Variants in SUGCT observed in about 807,000 individuals in gnomAD.
The protein encoded by SUGCT is succinyl-CoA:glutarate CoA-transferase.
A neutral mutation model predicts 55.0 loss-of-function variants in SUGCT; 41 were observed. The observed-to-expected ratio is 0.74, with a 90% CI of 0.58 to 0.97. The LOEUF is 0.97. SUGCT is among the 50% of genes least tolerant of loss of function. The pLI, the probability that SUGCT is intolerant of heterozygous loss-of-function variation, is 0.00. For missense variants in SUGCT, 568 were observed against 547.8 expected (o/e 1.04, Z -0.37); for synonymous variants, 187 against 200.4 (o/e 0.93, Z 0.56).
At chr7:40,194,738 C>A (rs199865653) in intron 5 of SUGCT, among the ~76,000 whole-genome samples, 1 of 152,164 alleles carries the variant, frequency 6.6e-6, no homozygotes, top group African/African-American at 2.4e-5. Context: ...CATGTACTTA[C>A]AAAAACTTTA....
At chr7:40,594,346 A>G (rs912995758) in intron 12 of SUGCT, among the ~76,000 whole-genome samples, 1 of 152,014 alleles carries the variant, frequency 6.6e-6, no homozygotes, top group African/African-American at 2.4e-5. Flanking sequence ...GTAAAAAAAA[A>G]AAAATATGAT....
the SUGCT span, among the ~76,000 whole-genome samples, chr7:40,915,662 A>T: frequency 6.8e-6 from 1 of 146,210 alleles, no homozygotes; most frequent in Non-Finnish European, 1.5e-5. Context: ...GAAGAGCAGG[A>T]AGAACTTGAC....
At chr7:40,889,372 G>T in the SUGCT span, among the ~76,000 whole-genome samples, 2 of 152,198 alleles carry the variant, frequency 1.3e-5, no homozygotes, top group Non-Finnish European at 2.9e-5. Flanking sequence ...CCACCTTGCT[G>T]GGAGGAGAGA....
At chr7:40,778,908 C>A (rs1360475271) in intron 13 of SUGCT, among the ~76,000 whole-genome samples, 1 of 152,148 alleles carries the variant, frequency 6.6e-6, no homozygotes, top group African/African-American at 2.4e-5. Flanking sequence ...TATTAGAGTC[C>A]ATTTCTCCAG....
At chr7:40,533,467 AC>A (rs900613911) in intron 12 of SUGCT, among the ~76,000 whole-genome samples, 15 of 152,090 alleles carry the variant, frequency 9.9e-5, no homozygotes, top group African/African-American at 3.6e-4. Context: ...TTATGTTTTT[AC>A]AGTTTTGTAG....
intron 13 of SUGCT, among the ~76,000 whole-genome samples, chr7:40,793,686 C>A (rs778732451): frequency 2.0e-5 from 3 of 152,048 alleles, no homozygotes; most frequent in Admixed American, 6.6e-5. Context: ...CTTTTTGAAT[C>A]TGAGAAGTCA....
At chr7:40,942,260 T>C in the SUGCT span, among the ~76,000 whole-genome samples, 1 of 152,118 alleles carries the variant, frequency 6.6e-6, no homozygotes, top group Admixed American at 6.6e-5. Context: ...TGTTTGGTAA[T>C]GACAAATTCC....
chr7:40,652,617 T>C (rs981326872), intron 12 of SUGCT, among the ~76,000 whole-genome samples: 1 of 152,202 alleles, frequency 6.6e-6, no homozygotes, highest in Non-Finnish European at 1.5e-5. Flanking sequence ...AATTCAGACA[T>C]AGTCTGTTGA....
chr7:40,439,035 G>GGTATATATATATATGGTATATATATGGT (rs1788325943), intron 9 of SUGCT, among the ~76,000 whole-genome samples: 1 of 95,826 alleles, frequency 1.0e-5, no homozygotes, highest in Non-Finnish European at 2.0e-5. Context: ...TATATAATAT[G>GGTATATATATATATGGTATATATATGGT]GTATATATAT....
chr7:40,526,426 G>A (rs966499083), intron 12 of SUGCT, among the ~76,000 whole-genome samples: 5 of 152,072 alleles, frequency 3.3e-5, no homozygotes, highest in African/African-American at 4.8e-5. Context: ...GACATTTAAG[G>A]CAATGTACTT....
the SUGCT span, among the ~76,000 whole-genome samples, chr7:40,962,673 G>C: frequency 6.6e-6 from 1 of 151,384 alleles, no homozygotes; most frequent in Non-Finnish European, 1.5e-5. Context: ...GAAGTTCTAG[G>C]TTAAAAAATC....
At chr7:40,777,855 C>T (rs1381107600) in intron 13 of SUGCT, among the ~76,000 whole-genome samples, 1 of 152,188 alleles carries the variant, frequency 6.6e-6, no homozygotes, top group East Asian at 1.9e-4. Flanking sequence ...AGGGCAGGGG[C>T]TGCACTGTAC....
the SUGCT span, among the ~76,000 whole-genome samples, chr7:41,034,682 C>G: frequency 6.6e-6 from 1 of 152,164 alleles, no homozygotes; most frequent in Non-Finnish European, 1.5e-5. Flanking sequence ...AAAGCAGCAG[C>G]CACATTCTTC....
rs70990639 is a variant in SUGCT at position 40,676,504 on chromosome 7, G to GTT, written c.1090-72915_1090-72914dup. Among the ~76,000 whole-genome samples, 49 of 129,084 alleles carry GTT rather than the reference G, an allele frequency of 3.8e-4. 1 individual carries two copies. The highest frequency in any genetic ancestry group is 3.1e-3 in the South Asian group (13 of 4,152). 84.7% of individuals were successfully genotyped at this position (129,084 alleles called of 152,430 possible). A position where few individuals can be genotyped will look rare whatever the true frequency, so the allele number is the denominator to read the frequency against. Reference sequence around the variant, plus strand: ...AAAATCCCTTGCGGTTTTGTTTTTTGTTTTTTTTTTTTTTTTGAGATGGAG... The same window carrying GTT: ...AAAATCCCTTGCGGTTTTGTTTTTTGTTTTTTTTTTTTTTTTTTGAGATGGAG... On this transcript the variant is annotated intron_variant, in intron 12 of 13. Transcript: ENST00000335693.
rs188966510 is a variant in SUGCT, at chr7:40,213,418, A to G, written c.484+18358A>G. ...TGAGTTGATGGCTTTTGGGAAGACT[A>G]TTACAGAGGTGAAGTACCCTTCTCT... On this transcript the variant is annotated intron_variant, in intron 6 of 13. Coordinates refer to ENST00000335693, the MANE Select transcript of SUGCT (RefSeq NM_001193313.2). 3.3e-5 allele frequency among the ~76,000 whole-genome samples: 5 copies of G among 152,318 alleles called. No individual in the cohort carries two copies. The South Asian group carries it at 6.2e-4, about 19-fold the overall frequency.
chr7:40,763,012 TCAC>T (rs1393989233), intron 13 of SUGCT, among the ~76,000 whole-genome samples: 2 of 151,996 alleles, frequency 1.3e-5, no homozygotes, highest in Non-Finnish European at 2.9e-5. Context: ...AGATGGGGTT[TCAC>T]CATGTTGGCG....
At chr7:40,439,896 G>A (rs916545226) in intron 9 of SUGCT, among the ~76,000 whole-genome samples, 8 of 152,038 alleles carry the variant, frequency 5.3e-5, no homozygotes, top group African/African-American at 1.4e-4. Context: ...CATTCTGTTC[G>A]CATCATGACA....
chr7:40,997,097 C>T, the SUGCT span, among the ~76,000 whole-genome samples: 5 of 152,198 alleles, frequency 3.3e-5, no homozygotes, highest in Admixed American at 2.6e-4. Flanking sequence ...ATCCCAAGCC[C>T]TCATGTGGTT....
At chr7:40,864,041 T>C (rs1004982943), downstream of SUGCT, among the ~76,000 whole-genome samples, 1 of 152,238 alleles carries the variant, frequency 6.6e-6, no homozygotes, top group Non-Finnish European at 1.5e-5. Context: ...ATTGCGTTTC[T>C]TACTATCCCA....
Sources: gnomAD v4.1 joint callset for allele counts (sites outside exome capture counted in the v4.1 genomes callset) on GRCh38, gnomAD v4.1.1 for gene constraint, MANE v1.5 for transcripts, NCBI Gene and HGNC (gene_info 2026-07-23, HGNC 2026-07-21) for gene names.